BCL3: variants seen among roughly 807,000 people sequenced by gnomAD.
The protein encoded by BCL3 is BCL3 transcription coactivator.
BCL3 carries 15 observed loss-of-function variants against 35.7 expected under a neutral mutation model. That is an observed-to-expected ratio of 0.42 (90% confidence interval 0.28 to 0.65). The LOEUF (loss-of-function observed/expected upper bound fraction) is 0.65. Ranked by LOEUF, BCL3 falls within the 30% of genes least tolerant of loss-of-function variation. The pLI, the probability that BCL3 is intolerant of heterozygous loss-of-function variation, is 0.22. For missense variants in BCL3, 565 were observed against 641.7 expected, an observed-to-expected ratio of 0.88 and a Z score of 1.29; for synonymous variants, 311 against 284.3, an observed-to-expected ratio of 1.09 and a Z score of -0.95.
At position 44,759,476 on chromosome 19, in the gene BCL3, G is replaced by C. The variant is rs1168418606; in HGVS notation, c.1226G>C (p.Arg409Thr). 6.2e-7 allele frequency: 1 copy of C among 1,609,610 alleles called. No individual in the cohort carries two copies. Among genetic ancestry groups the C allele is most frequent in the Admixed American group, 1.7e-5 (1 of 59,586 alleles). Residue 409 changes from arginine to threonine, a missense_variant, in exon 9 of 9, where the codon AGG becomes ACG. By Grantham distance (71) the Arg-to-Thr change is moderately conservative (BLOSUM62 -1). Transcript: ENST00000164227. ...PSSSPSQSPP[R>T]DPPGFPMAPP... ...TCCTCACCCTCCCAGTCTCCCCCCA[G>C]GGACCCCCCTGGATTCCCCATGGCT... is the stretch of plus-strand genomic sequence containing the variant.
Position 44,757,043 on chromosome 19 carries a change from C to A in BCL3, c.546C>A (p.Thr182=). 1 of 1,610,848 alleles carries A rather than the reference C, an allele frequency of 6.2e-7. No individual in the cohort carries two copies. Residue 182 remains threonine (T), a synonymous_variant, in exon 4 of 9, where the codon ACC becomes ACA. Coordinates refer to ENST00000164227, the MANE Select transcript of BCL3 (RefSeq NM_005178.5). The surrounding 1 kb of genome is among the most constrained non-coding windows in gnomAD (Gnocchi z 8.4). ...CACCGCTCCACCTGGCTGTGATCAC[C>A]ACATTACCGTCTGTGGTCCGGCTCC... ...RQTPLHLAVI[T]TLPSVVRLLV...
At chr19:44,758,003 T>C (rs890736965) in intron 6 of BCL3, among the ~76,000 whole-genome samples, 5 of 152,144 alleles carry the variant, frequency 3.3e-5, no homozygotes, top group Admixed American at 6.5e-5. Context: ...CCACGCATTG[T>C]CCTTCCCCCC....
chr19:44,759,771 C>T lies in BCL3; in HGVS notation c.*156C>T. On this transcript the variant is annotated 3_prime_UTR_variant, in exon 9 of 9. Transcript: ENST00000164227. ...AGCACATGCACCTACCCATACACCCCCTCTTCTGAGCACAGATGTTCCCCC... is the reference window on the plus strand; with the variant it reads ...AGCACATGCACCTACCCATACACCCTCTCTTCTGAGCACAGATGTTCCCCC... 1.8e-6 allele frequency: 1 copy of T among 560,578 alleles called. No homozygotes were observed. Among genetic ancestry groups the T allele is most frequent in the Admixed American group, 3.5e-5 (1 of 28,756 alleles). The allele number at this position is 560,578 out of a possible 1,614,324, so 34.7% of individuals were successfully genotyped here.
In BCL3 at chr19:44,757,806, C is replaced by T; in HGVS notation, c.891+83C>T. 1 of 1,332,002 alleles carries T rather than the reference C, an allele frequency of 7.5e-7. No homozygotes were observed. The highest frequency in any genetic ancestry group is 1.2e-5 in the South Asian group (1 of 83,504). 82.5% of individuals were successfully genotyped at this position (1,332,002 alleles called of 1,614,324 possible). A position where few individuals can be genotyped will look rare whatever the true frequency, so the allele number is the denominator to read the frequency against. Reference sequence around the variant, plus strand: ...CTGGCCTCAGCCCCTAGCTCTGACCCCGCCTTCCACTTCTGGCTCCGGCTC... The same window carrying T: ...CTGGCCTCAGCCCCTAGCTCTGACCTCGCCTTCCACTTCTGGCTCCGGCTC... On this transcript the variant is annotated intron_variant, in intron 6 of 8. Coordinates refer to ENST00000164227, the MANE Select transcript of BCL3 (RefSeq NM_005178.5). This position sits in a 1 kb window ranked among gnomAD's most constrained non-coding sequence, Gnocchi z 8.4.
chr19:44,755,775 G>A (rs573587921), intron 2 of BCL3, among the ~76,000 whole-genome samples: 57 of 152,254 alleles, frequency 3.7e-4, no homozygotes, highest in Non-Finnish European at 7.6e-4. Context: ...AAAGTTAGCT[G>A]GGCGCGATGG....
Position 44,748,818 on chromosome 19 carries a change from G to C in BCL3, c.28G>C (p.Asp10His). The change falls in exon 1 of 9, where the codon GAC becomes CAC. Residue 10 changes from aspartate (D) to histidine (H), a missense_variant. Physicochemically the swap from Asp to His is moderately conservative, Grantham distance 81. Coordinates refer to ENST00000164227, the MANE Select transcript of BCL3 (RefSeq NM_005178.5). Reference sequence around the variant, plus strand: ...GCCCCGATGCCCCGCGGGGGCCATGGACGAGGGGCCCGTGGACCTGCGCAC... The same window carrying C: ...GCCCCGATGCCCCGCGGGGGCCATGCACGAGGGGCCCGTGGACCTGCGCAC... MPRCPAGAM[D>H]EGPVDLRTRP... 1 of 1,108,586 alleles carries C rather than the reference G, an allele frequency of 9.0e-7. No individual in the cohort carries two copies. Among genetic ancestry groups the C allele is most frequent in the Non-Finnish European group, 1.1e-6 (1 of 909,940 alleles). 68.7% of individuals were successfully genotyped at this position (1,108,586 alleles called of 1,614,324 possible).
At chr19:44,758,192 C>G (rs1337559308) in intron 6 of BCL3, 54 bp from the exon 7 acceptor site, 1 of 1,419,424 alleles carries the variant, frequency 7.0e-7, no homozygotes, top group Non-Finnish European at 9.1e-7. Flanking sequence ...AGCCTCTGTT[C>G]CCTTACCCCG....
intron 2 of BCL3, chr19:44,755,188 G>A (rs1967258182): frequency 6.6e-6 from 1 of 152,478 alleles, no homozygotes; most frequent in African/African-American, 2.4e-5. Flanking sequence ...TTCTAGGTTG[G>A]GGTCTCTGGA....
intron 8 of BCL3, among the ~76,000 whole-genome samples, chr19:44,759,159 T>C (rs1599844851): frequency 1.3e-5 from 1 of 79,756 alleles, no homozygotes; most frequent in African/African-American, 5.0e-5. Flanking sequence ...TTCCAGACCC[T>C]CCTCCCTCAG....
intron 2 of BCL3, among the ~76,000 whole-genome samples, chr19:44,755,820 A>T (rs1967269487): frequency 6.6e-6 from 1 of 152,184 alleles, no homozygotes; most frequent in Non-Finnish European, 1.5e-5. Flanking sequence ...CAGGAGGCTG[A>T]GGTTGGATGA....
chr19:44,748,559 A>C, upstream of BCL3: 1 of 317,648 alleles, frequency 3.1e-6, no homozygotes, highest in South Asian at 1.2e-4. Flanking sequence ...GGCGGGGCGC[A>C]GGGCAGGCTG....
upstream of BCL3, chr19:44,748,543 G>T: frequency 3.8e-6 from 1 of 264,832 alleles, no homozygotes; most frequent in South Asian, 1.4e-4. Context: ...AGCGGGGCGC[G>T]GCGCGGGCGG....
Position 44,759,925 on chromosome 19 carries a change from T to G in BCL3, c.*310T>G. Reference sequence around the variant, plus strand: ...TGGACCCAGGGAACAGCCACTCCCCTCCACTCTCTACCAGATAACTGAGGA... The same window carrying G: ...TGGACCCAGGGAACAGCCACTCCCCGCCACTCTCTACCAGATAACTGAGGA... On this transcript the variant is annotated 3_prime_UTR_variant, in exon 9 of 9. Coordinates refer to ENST00000164227, the MANE Select transcript of BCL3 (RefSeq NM_005178.5). 2.9e-6 allele frequency: 1 copy of G among 342,872 alleles called. No homozygotes were observed. The highest frequency in any genetic ancestry group is 4.9e-5 in the East Asian group (1 of 20,462). The allele number at this position is 342,872 out of a possible 1,614,324, so 21.2% of individuals were successfully genotyped here.
At chr19:44,753,831 G>A (rs1457857039) in intron 2 of BCL3, among the ~76,000 whole-genome samples, 1 of 102,596 alleles carries the variant, frequency 9.7e-6, no homozygotes, top group Non-Finnish European at 1.8e-5. Context: ...GCGGGGGCGG[G>A]GGGGGGGGGT....
At chr19:44,758,974 A>C in intron 8 of BCL3, 133 bp downstream of exon 8, 2 of 664,950 alleles carry the variant, frequency 3.0e-6, no homozygotes, top group African/African-American at 4.3e-5. Context: ...AGGAATCCCA[A>C]CCCATAGCCC....
intron 1 of BCL3, among the ~76,000 whole-genome samples, chr19:44,750,360 G>A (rs1315555789): frequency 1.9e-5 from 2 of 106,914 alleles, no homozygotes; most frequent in South Asian, 3.6e-4. Flanking sequence ...GTGCATTGGC[G>A]TGATCTCGGC....
chr19:44,748,895 C>A lies in BCL3; in HGVS notation c.105C>A (p.Arg35=), dbSNP rs1025271280. The part of the protein sequence containing the change: ...LPGAALPLRK[R]PLRAPSPEPA... ...GCGCCGCGCTGCCGCTCCGCAAGCG[C>A]CCGCTGCGCGCGCCCTCCCCGGAGC... The change falls in exon 1 of 9, where the codon CGC becomes CGA. Residue 35 remains arginine (R), a synonymous_variant. Coordinates refer to ENST00000164227, the MANE Select transcript of BCL3 (RefSeq NM_005178.5). The A allele has an allele frequency of 2.6e-6, 3 of 1,132,090 alleles. No homozygotes were observed. Among genetic ancestry groups the A allele is most frequent in the Non-Finnish European group, 3.2e-6 (3 of 926,440 alleles). 70.1% of individuals were successfully genotyped at this position (1,132,090 alleles called of 1,614,324 possible).
At chr19:44,755,686 G>A (rs890194272) in intron 2 of BCL3, among the ~76,000 whole-genome samples, 3 of 152,174 alleles carry the variant, frequency 2.0e-5, no homozygotes, top group Non-Finnish European at 4.4e-5. Context: ...CTGAGGCTGA[G>A]GCAGGAGGAT....
chr19:44,747,790 C>G (rs1447250127), upstream of BCL3: 4 of 1,084,046 alleles, frequency 3.7e-6, no homozygotes, highest in Non-Finnish European at 4.5e-6. Context: ...CTCTTTCTCT[C>G]AAGATCTCTG....
Sources: gnomAD v4.1 joint callset for allele counts (sites outside exome capture counted in the v4.1 genomes callset) on GRCh38, gnomAD v4.1.1 for gene constraint, Gnocchi (gnomAD v3.1) non-coding constraint, MANE v1.5 for transcripts, NCBI Gene and HGNC (gene_info 2026-07-23, HGNC 2026-07-21) for gene names.